Variants in PCDHA4 observed in about 807,000 individuals in gnomAD.
PCDHA4 encodes the protein protocadherin alpha-4.
Under a neutral mutation model 61.4 loss-of-function variants are expected in PCDHA4, and 49 were observed. The ratio of observed to expected loss-of-function variants is 0.80; its 90% CI spans 0.63 to 1.01. The LOEUF (loss-of-function observed/expected upper bound fraction) is 1.01, where lower values mean the gene tolerates loss of function less well. PCDHA4 is among the 50% of genes least tolerant of loss of function. The pLI, the probability that PCDHA4 is intolerant of heterozygous loss-of-function variation, is 0.00. For missense variants in PCDHA4, 1,254 were observed against 1,235.8 expected, an observed-to-expected ratio of 1.01 and a Z score of -0.22; for synonymous variants, 590 against 550.3, an observed-to-expected ratio of 1.07 and a Z score of -1.01.
chr5:140,942,255 A>G (rs2093254394), intron 1 of PCDHA4, among the ~76,000 whole-genome samples: 1 of 152,194 alleles, frequency 6.6e-6, no homozygotes, highest in Non-Finnish European at 1.5e-5. Context: ...TCATTAAAAG[A>G]TATCTAAAGC....
At chr5:140,872,580 T>C (rs1554166256) in intron 1 of PCDHA4, among the ~76,000 whole-genome samples, 1 of 152,172 alleles carries the variant, frequency 6.6e-6, no homozygotes, top group Middle Eastern at 3.2e-3. Flanking sequence ...TGACCTATCA[T>C]CGTGAGACCC....
chr5:140,835,661 C>A (rs2150241056), intron 1 of PCDHA4: 5 of 1,613,768 alleles, frequency 3.1e-6, no homozygotes, highest in Non-Finnish European at 4.2e-6. Flanking sequence ...TGGTGGTTAC[C>A]GCGCGGGACG....
At chr5:140,905,880 A>G (rs1485985374) in intron 1 of PCDHA4, among the ~76,000 whole-genome samples, 4 of 152,172 alleles carry the variant, frequency 2.6e-5, no homozygotes, top group Non-Finnish European at 1.5e-5. Flanking sequence ...AGGCCCAACA[A>G]TAGGCCATCT....
intron 1 of PCDHA4, chr5:140,828,124 G>A (rs1769541261): frequency 1.9e-6 from 3 of 1,613,068 alleles, no homozygotes; most frequent in Non-Finnish European, 2.5e-6. Context: ...GATTGGGAAA[G>A]CAATGTCTGC....
chr5:140,826,724 C>A (rs144963704), intron 1 of PCDHA4, among the ~76,000 whole-genome samples: 1 of 152,130 alleles, frequency 6.6e-6, no homozygotes, highest in Non-Finnish European at 1.5e-5. Flanking sequence ...AGAGGAAGAG[C>A]AAGTGGTCTA....
At chr5:140,828,670 G>A in intron 1 of PCDHA4, 1 of 1,614,164 alleles carries the variant, frequency 6.2e-7, no homozygotes, top group Non-Finnish European at 8.5e-7. Flanking sequence ...AACAAATTGG[G>A]CTCTTATTAA....
At chr5:140,829,700 G>A (rs188962276) in intron 1 of PCDHA4, 3 of 1,613,364 alleles carry the variant, frequency 1.9e-6, no homozygotes, top group Non-Finnish European at 1.7e-6. Flanking sequence ...TCAGGTGAGC[G>A]CGCGCGACGC....
intron 1 of PCDHA4, among the ~76,000 whole-genome samples, chr5:140,925,244 G>A (rs1403438242): frequency 1.3e-5 from 2 of 152,070 alleles, no homozygotes; most frequent in African/African-American, 4.8e-5. Context: ...AATATGTCCT[G>A]GAAACTTTAA....
intron 1 of PCDHA4, among the ~76,000 whole-genome samples, chr5:140,888,562 G>C (rs781854673): frequency 9.2e-5 from 14 of 152,112 alleles, no homozygotes; most frequent in Non-Finnish European, 1.8e-4. Context: ...TCCTTTCAAG[G>C]CTTCATTTTA....
chr5:140,823,068 G>C, intron 1 of PCDHA4: 1 of 1,614,034 alleles, frequency 6.2e-7, no homozygotes, highest in Non-Finnish European at 8.5e-7. Context: ...ACGGGGGCTC[G>C]CCTTCGCTGT....
intron 1 of PCDHA4, among the ~76,000 whole-genome samples, chr5:140,947,863 G>A (rs1438094304): frequency 6.6e-6 from 1 of 151,230 alleles, no homozygotes; most frequent in Non-Finnish European, 1.5e-5. Flanking sequence ...CATTATAATG[G>A]CTAGGACTTC....
At chr5:140,878,103 G>A (rs2153358436) in intron 1 of PCDHA4, 1 of 261,846 alleles carries the variant, frequency 3.8e-6, no homozygotes, top group East Asian at 7.9e-5. Context: ...GATGAACCTT[G>A]AAAAAAACAG....
At chr5:140,829,781 G>A (rs1554132238) in intron 1 of PCDHA4, 4 of 1,613,710 alleles carry the variant, frequency 2.5e-6, no homozygotes, top group African/African-American at 2.7e-5. Context: ...CAACGCGCCG[G>A]CGCTGCTGGC....
At chr5:140,865,343 A>T (rs1386264377) in intron 1 of PCDHA4, 1 of 152,216 alleles carries the variant, frequency 6.6e-6, no homozygotes, top group Non-Finnish European at 1.5e-5. Flanking sequence ...AAGAAATAGT[A>T]TATTTACATA....
At chr5:140,846,935 A>G (rs2150395961) in intron 1 of PCDHA4, among the ~76,000 whole-genome samples, 1 of 149,782 alleles carries the variant, frequency 6.7e-6, no homozygotes, top group African/African-American at 2.4e-5. Flanking sequence ...TTTTGAAGAA[A>G]TACTTGAAGG....
intron 1 of PCDHA4, chr5:140,830,297 A>G (rs1359749137): frequency 6.2e-7 from 1 of 1,613,732 alleles, no homozygotes; most frequent in East Asian, 2.2e-5. Context: ...CACGGCGGAC[A>G]AGCCCACGCT....
chr5:140,946,997 C>A (rs2094069050), intron 1 of PCDHA4, among the ~76,000 whole-genome samples: 1 of 151,382 alleles, frequency 6.6e-6, no homozygotes. Context: ...GTTCTAACTT[C>A]AAAGAAATGA....
chr5:140,972,773 T>C (rs201511055), intron 1 of PCDHA4, among the ~76,000 whole-genome samples: 2 of 151,600 alleles, frequency 1.3e-5, no homozygotes, highest in African/African-American at 2.4e-5. Context: ...AAGTGATTCT[T>C]CTGCCTCAGC....
chr5:140,931,161 C>G (rs1214685588), intron 1 of PCDHA4, among the ~76,000 whole-genome samples: 5 of 152,132 alleles, frequency 3.3e-5, no homozygotes, highest in African/African-American at 1.2e-4. Flanking sequence ...AATAGAATCT[C>G]AGTTAATTTT....
Sources: gnomAD v4.1 joint callset for allele counts (sites outside exome capture counted in the v4.1 genomes callset) on GRCh38, gnomAD v4.1.1 for gene constraint, MANE v1.5 for transcripts, NCBI Gene and HGNC (gene_info 2026-07-23, HGNC 2026-07-21) for gene names.